Variants in BTD observed in about 807,000 individuals in gnomAD.
BTD encodes biotinidase, also known as biocytinase.
In BTD, 13 loss-of-function variants were observed where a neutral mutation model predicts 17.7. The ratio of observed to expected loss-of-function variants is 0.74; its 90% confidence interval spans 0.48 to 1.17. The LOEUF (loss-of-function observed/expected upper bound fraction) is 1.17, where lower values mean the gene tolerates loss of function less well. Ranked by LOEUF, BTD falls within the 50% of genes most tolerant of loss-of-function variation. The pLI is 0.00. For synonymous variants in BTD, 240 were observed against 245.2 expected (o/e 0.98, Z 0.20); for missense variants, 674 against 650.4 (o/e 1.04, Z -0.39).
At position 15,648,870 on chromosome 3, in the gene BTD, C is replaced by T. The variant is rs765416059; in HGVS notation, c.*3382C>T. ...CAGGGAGAAGATGACCATGTGACAACAGGGGCAGAGATCACAGGGATGCCT... is the reference window on the plus strand; with the variant it reads ...CAGGGAGAAGATGACCATGTGACAATAGGGGCAGAGATCACAGGGATGCCT... On this transcript the variant is annotated 3_prime_UTR_variant, in exon 4 of 4. Coordinates refer to ENST00000643237, the MANE Select transcript of BTD (RefSeq NM_001370658.1). 6.6e-6 allele frequency among the ~76,000 whole-genome samples: 1 copy of T among 152,122 alleles called. No homozygotes were observed. Among genetic ancestry groups the T allele is most frequent in the Non-Finnish European group, 1.5e-5 (1 of 68,008 alleles).
intron 1 of BTD, among the ~76,000 whole-genome samples, chr3:15,621,318 TTGTC>T (rs745714390): frequency 6.6e-6 from 1 of 152,220 alleles, no homozygotes; most frequent in African/African-American, 2.4e-5. Flanking sequence ...TGTAATGTCT[TTGTC>T]TGTTTCAGTA....
chr3:15,674,498 A>G lies in BTD; in HGVS notation c.399+32441A>G, dbSNP rs147754507. The stretch of plus-strand genomic sequence containing the variant: ...GAAAGGATCAACAGTTCAGTTCTGC[A>G]CATTCTAGGTTTAAGCTGTTTATCA... On this transcript the variant is annotated intron_variant, in intron 3 of 3. Coordinates refer to the BTD transcript ENST00000672141. 4.1e-3 allele frequency among the ~76,000 whole-genome samples: 617 copies of G among 152,306 alleles called. 1 individual carries two copies. The highest frequency in any genetic ancestry group is 0.023 in the East Asian group (117 of 5,190).
intron 1 of BTD, among the ~76,000 whole-genome samples, chr3:15,603,320 T>C (rs760497206): frequency 3.3e-5 from 5 of 152,202 alleles, no homozygotes; most frequent in Non-Finnish European, 7.3e-5. Flanking sequence ...GAGTTTCATC[T>C]GAGACAAGGC....
rs527399083 is a variant in BTD at position 15,649,265 on chromosome 3, C to T, written c.*3777C>T. Among the ~76,000 whole-genome samples the T allele has an allele frequency of 4.6e-5, 7 of 152,308 alleles. No homozygotes were observed. The South Asian group carries it at 1.5e-3, about 32-fold the overall frequency. On this transcript the variant is annotated 3_prime_UTR_variant, in exon 4 of 4. Coordinates refer to ENST00000643237, the MANE Select transcript of BTD (RefSeq NM_001370658.1). ...TCCTCATGATGTGGCCCCTGGCTTC[C>T]CCTGAAGCAAATGATCCAAGAGAGC... is the stretch of plus-strand genomic sequence containing the variant.
At chr3:15,711,183 TAAAG>T in exon 4 of BTD, 1 of 1,580,438 alleles carries the variant, frequency 6.3e-7, no homozygotes, top group Non-Finnish European at 8.6e-7. Flanking sequence ...TATCTTTTCT[TAAAG>T]AAATAAAAAT....
intron 3 of BTD, 30 bp downstream of exon 3, chr3:15,642,087 G>GA: frequency 1.2e-6 from 2 of 1,613,202 alleles, no homozygotes. Flanking sequence ...TCAGTAGGCT[G>GA]AGGGTACACA....
chr3:15,686,394 T>A (rs1030735385), intron 3 of BTD: 3 of 1,135,424 alleles, frequency 2.6e-6, no homozygotes, highest in Non-Finnish European at 3.8e-6. Context: ...CTTCTAGAAT[T>A]TACTTTTGGG....
chr3:15,685,376 T>C, intron 3 of BTD: 1 of 1,614,028 alleles, frequency 6.2e-7, no homozygotes, highest in South Asian at 1.1e-5. Context: ...CGGCCCCTGC[T>C]ATCCCGAAGT....
At position 15,689,301 on chromosome 3, in the gene BTD, A is replaced by C. The variant is rs546934791; in HGVS notation, c.400-20759A>C. On this transcript the variant is annotated intron_variant, in intron 3 of 3. Coordinates refer to the BTD transcript ENST00000672141. Reference sequence around the variant, plus strand: ...ACAGGCGCCTCTCTGATCCTGCCCTACCTAAGCTTTGACGGTAGTGGGGCT... The same window carrying C: ...ACAGGCGCCTCTCTGATCCTGCCCTCCCTAAGCTTTGACGGTAGTGGGGCT... Among the ~76,000 whole-genome samples the C allele has an allele frequency of 7.2e-5, 11 of 152,306 alleles. No individual in the cohort carries two copies. The South Asian group carries it at 2.3e-3, about 32-fold the overall frequency.
chr3:15,657,283 G>A (rs1255795693), downstream of BTD, among the ~76,000 whole-genome samples: 1 of 152,194 alleles, frequency 6.6e-6, no homozygotes, highest in Non-Finnish European at 1.5e-5. Flanking sequence ...CTCATCAGTG[G>A]GAGGAGTGTA....
intron 1 of BTD, among the ~76,000 whole-genome samples, chr3:15,619,770 G>A (rs1396568526): frequency 6.6e-6 from 1 of 152,240 alleles, no homozygotes; most frequent in Non-Finnish European, 1.5e-5. Flanking sequence ...TTTTCCATAA[G>A]TGTCAGCTGG....
chr3:15,645,446 G>T lies in BTD; in HGVS notation c.1530G>T (p.Leu510=). 1 of 1,612,326 alleles carries T rather than the reference G, an allele frequency of 6.2e-7. No homozygotes were observed. The highest frequency in any genetic ancestry group is 8.5e-7 in the Non-Finnish European group (1 of 1,180,008). Residue 510 remains leucine (L), a synonymous_variant, in exon 4 of 4, where the codon CTG becomes CTT. Coordinates refer to ENST00000643237, the MANE Select transcript of BTD (RefSeq NM_001370658.1). The part of the protein sequence containing the change: ...FLRKSRLSSG[L]VTAALYGRLY... ...GGAAAAGTAGGCTGTCCTCTGGGCT[G>T]GTGACGGCGGCTCTCTATGGGCGCT...
At chr3:15,601,580 A>C (rs747254209), upstream of BTD, 7 of 1,593,056 alleles carry the variant, frequency 4.4e-6, no homozygotes, top group South Asian at 5.6e-5. Context: ...GACGGACAGG[A>C]GGGCAACCAA....
intron 3 of BTD, chr3:15,668,542 C>G (rs540193839): frequency 6.6e-6 from 1 of 152,360 alleles, no homozygotes; most frequent in African/African-American, 2.4e-5. Flanking sequence ...ATCTAGTAGT[C>G]AATGCCCTAG....
intron 3 of BTD, among the ~76,000 whole-genome samples, chr3:15,697,022 A>G (rs973207123): frequency 6.6e-6 from 1 of 152,204 alleles, no homozygotes; most frequent in Non-Finnish European, 1.5e-5. Context: ...CAATTGCAAA[A>G]ATATGAAACA....
intron 1 of BTD, among the ~76,000 whole-genome samples, chr3:15,627,120 A>G (rs1217683045): frequency 2.0e-5 from 3 of 152,200 alleles, no homozygotes; most frequent in Admixed American, 2.0e-4. Flanking sequence ...ATCATTCTTG[A>G]TTGAGCTCTG....
intron 1 of BTD, among the ~76,000 whole-genome samples, chr3:15,622,269 T>C (rs1489947779): frequency 1.3e-5 from 2 of 152,230 alleles, no homozygotes; most frequent in Non-Finnish European, 2.9e-5. Context: ...TATATCTTAA[T>C]TCTTTTGTAC....
intron 3 of BTD, among the ~76,000 whole-genome samples, chr3:15,691,624 T>TG (rs2125836541): frequency 1.3e-5 from 2 of 152,330 alleles, no homozygotes; most frequent in South Asian, 4.1e-4. Flanking sequence ...AAACTTGCTC[T>TG]GGGCCTCACT....
At chr3:15,642,574 C>G (rs1017759901) in intron 3 of BTD, among the ~76,000 whole-genome samples, 1 of 151,860 alleles carries the variant, frequency 6.6e-6, no homozygotes, top group African/African-American at 2.4e-5. Flanking sequence ...CCTGCCTCAG[C>G]CTCCCGAGTA....
Sources: gnomAD v4.1 joint callset for allele counts (sites outside exome capture counted in the v4.1 genomes callset) on GRCh38, gnomAD v4.1.1 for gene constraint, MANE v1.5 for transcripts, NCBI Gene and HGNC (gene_info 2026-07-23, HGNC 2026-07-21) for gene names.